VMP1: variants seen among roughly 807,000 people sequenced by gnomAD.
VMP1 encodes vacuole membrane protein 1.
A neutral mutation model predicts 56.0 loss-of-function variants in VMP1; 11 were observed. The observed-to-expected ratio is 0.20, with a 90% CI of 0.12 to 0.32. The LOEUF is 0.32. Ranked by LOEUF, VMP1 falls within the 10% of genes least tolerant of loss-of-function variation. The pLI, the probability that VMP1 is intolerant of heterozygous loss-of-function variation, is 1.00. For missense variants in VMP1, 296 were observed against 490.3 expected, an observed-to-expected ratio of 0.60 and a Z score of 3.74; for synonymous variants, 149 against 165.0, an observed-to-expected ratio of 0.90 and a Z score of 0.74.
At chr17:59,836,646 CAT>C (rs545471114) in intron 10 of VMP1, among the ~76,000 whole-genome samples, 25 of 151,102 alleles carry the variant, frequency 1.7e-4, no homozygotes, top group African/African-American at 5.1e-4. Flanking sequence ...TGTGCGCACA[CAT>C]GTGTGCGCAT....
At chr17:59,745,570 T>C (rs2035393544) in intron 5 of VMP1, among the ~76,000 whole-genome samples, 1 of 152,254 alleles carries the variant, frequency 6.6e-6, no homozygotes, top group African/African-American at 2.4e-5. Context: ...AACAGAATTT[T>C]ATCCTTATTG....
chr17:59,760,952 G>A (rs1435168334), intron 5 of VMP1, among the ~76,000 whole-genome samples: 1 of 147,172 alleles, frequency 6.8e-6, no homozygotes, highest in African/African-American at 2.5e-5. Context: ...TTTTGTGCTG[G>A]CATGCAGTGT....
intron 6 of VMP1, among the ~76,000 whole-genome samples, chr17:59,771,606 G>GTTTT (rs1306304917): frequency 4.1e-5 from 5 of 123,448 alleles, no homozygotes; most frequent in African/African-American, 6.0e-5. Context: ...GGTTTTTTTG[G>GTTTT]TTTTTTTTTT....
At chr17:59,716,857 A>G (rs2034172359) in intron 1 of VMP1, among the ~76,000 whole-genome samples, 1 of 152,232 alleles carries the variant, frequency 6.6e-6, no homozygotes, top group Admixed American at 6.5e-5. Context: ...ATGAGGAAAA[A>G]GAGAATCAGG....
At chr17:59,810,184 C>G (rs2038008035) in intron 8 of VMP1, among the ~76,000 whole-genome samples, 1 of 151,968 alleles carries the variant, frequency 6.6e-6, no homozygotes, top group South Asian at 2.1e-4. Context: ...GACAGAGTCT[C>G]CCTCTGTCAC....
chr17:59,837,214 A>T (rs1055169548), intron 10 of VMP1, among the ~76,000 whole-genome samples: 1 of 151,940 alleles, frequency 6.6e-6, no homozygotes, highest in Non-Finnish European at 1.5e-5. Flanking sequence ...AAAAAAAAAA[A>T]GTGAAGTGAA....
chr17:59,835,839 T>C (rs2144343256), intron 10 of VMP1, among the ~76,000 whole-genome samples: 1 of 148,822 alleles, frequency 6.7e-6, no homozygotes, highest in African/African-American at 2.4e-5. Context: ...TATATTTATA[T>C]ACACAAAAAT....
At chr17:59,780,209 C>T (rs2036769687) in intron 7 of VMP1, among the ~76,000 whole-genome samples, 1 of 152,212 alleles carries the variant, frequency 6.6e-6, no homozygotes, top group Non-Finnish European at 1.5e-5. Flanking sequence ...GTACATTTCT[C>T]AGTACCTAAT....
At position 59,806,561 on chromosome 17, in the gene VMP1, A is replaced by C. The variant is rs542221013; in HGVS notation, c.715-2235A>C. 1.6e-3 allele frequency among the ~76,000 whole-genome samples: 236 copies of C among 152,034 alleles called. 1 individual carries two copies. Among genetic ancestry groups the C allele is most frequent in the African/African-American group, 5.1e-3 (213 of 41,474 alleles). The stretch of plus-strand genomic sequence containing the variant: ...GAAACCCCCTCTCTATTAAAAATAC[A>C]AAAATTAGCCAGGCATGATGGCGGG... On this transcript the variant is annotated intron_variant, in intron 7 of 11. Transcript: ENST00000262291.
intron 5 of VMP1, among the ~76,000 whole-genome samples, chr17:59,741,101 C>T (rs1362316094): frequency 2.0e-5 from 3 of 151,974 alleles, no homozygotes; most frequent in Admixed American, 2.0e-4. Flanking sequence ...GAGGCTGAAG[C>T]GAGAGGATGG....
At chr17:59,749,726 G>T (rs796397504) in intron 5 of VMP1, among the ~76,000 whole-genome samples, 8 of 152,082 alleles carry the variant, frequency 5.3e-5, no homozygotes, top group African/African-American at 1.9e-4. Flanking sequence ...GGCCAGGCTG[G>T]TCTCGAATTC....
chr17:59,774,421 A>AG (rs1378721200), intron 7 of VMP1, among the ~76,000 whole-genome samples: 8 of 151,584 alleles, frequency 5.3e-5, no homozygotes, highest in Non-Finnish European at 1.2e-4. Context: ...CTAAAAAAAA[A>AG]AAAGAAAGAA....
intron 5 of VMP1, among the ~76,000 whole-genome samples, chr17:59,741,632 G>T (rs1454971826): frequency 6.6e-6 from 1 of 152,070 alleles, no homozygotes; most frequent in Non-Finnish European, 1.5e-5. Context: ...TGTATTTAAG[G>T]TATATAACAT....
At chr17:59,828,024 T>TAAAAAAAAAAAAA (rs768590295) in intron 10 of VMP1, among the ~76,000 whole-genome samples, 1 of 125,712 alleles carries the variant, frequency 8.0e-6, no homozygotes, top group Non-Finnish European at 1.7e-5. Context: ...ACAACCTCTT[T>TAAAAAAAAAAAAA]AAAAAAAAAA....
intron 5 of VMP1, among the ~76,000 whole-genome samples, chr17:59,755,648 A>C (rs2035811646): frequency 6.6e-6 from 1 of 152,144 alleles, no homozygotes; most frequent in African/African-American, 2.4e-5. Context: ...ACAGTAATTT[A>C]CCAACAGATT....
chr17:59,757,224 A>G (rs1489182825), intron 5 of VMP1, among the ~76,000 whole-genome samples: 3 of 149,516 alleles, frequency 2.0e-5, no homozygotes, highest in Non-Finnish European at 3.0e-5. Context: ...ACTCTTCACT[A>G]CCAGATTAGG....
chr17:59,821,760 C>T (rs1299096093), intron 10 of VMP1, among the ~76,000 whole-genome samples: 1 of 151,756 alleles, frequency 6.6e-6, no homozygotes, highest in Non-Finnish European at 1.5e-5. Context: ...CCATGTTGGT[C>T]AGGTCACCTG....
At chr17:59,730,889 A>T (rs944488802) in intron 1 of VMP1, among the ~76,000 whole-genome samples, 15 of 151,930 alleles carry the variant, frequency 9.9e-5, no homozygotes, top group African/African-American at 2.9e-4. Flanking sequence ...ATTGTTTCCT[A>T]AATAAAACTG....
intron 10 of VMP1, among the ~76,000 whole-genome samples, chr17:59,832,280 A>G (rs906034359): frequency 7.1e-6 from 1 of 140,896 alleles, no homozygotes; most frequent in Non-Finnish European, 1.5e-5. Flanking sequence ...CTCATGCCTC[A>G]GCCTCCCGAG....
Sources: allele counts gnomAD v4.1 joint callset (sites outside exome capture counted in the v4.1 genomes callset), GRCh38; gene constraint gnomAD v4.1.1; transcripts MANE v1.5; gene names NCBI Gene and HGNC (gene_info 2026-07-23, HGNC 2026-07-21).